SKAP1: variants seen among roughly 807,000 people sequenced by gnomAD.
SKAP1 encodes the protein src kinase associated phosphoprotein 1.
A neutral mutation model predicts 58.5 loss-of-function variants in SKAP1; 44 were observed. The observed-to-expected ratio is 0.75, with a 90% CI of 0.59 to 0.97. The LOEUF is 0.97. SKAP1 is among the 50% of genes least tolerant of loss of function. SKAP1 has a pLI of 0.00. For synonymous variants in SKAP1, 127 were observed against 149.7 expected, an observed-to-expected ratio of 0.85 and a Z score of 1.11; for missense variants, 390 against 435.2, an observed-to-expected ratio of 0.90 and a Z score of 0.92.
At chr17:48,214,625 T>C (rs1293522043) in intron 4 of SKAP1, among the ~76,000 whole-genome samples, 1 of 151,344 alleles carries the variant, frequency 6.6e-6, no homozygotes, top group Non-Finnish European at 1.5e-5. Flanking sequence ...CTTTTTTTTT[T>C]TTTCTCTTTT....
chr17:48,272,322 G>A lies in SKAP1; in HGVS notation c.280+73583C>T, dbSNP rs150965278. On this transcript the variant is annotated intron_variant, in intron 4 of 12. Transcript: ENST00000336915. Reference sequence around the variant, plus strand: ...AATTTTTGTATTTTAAATAGAGACGGGGTTTCACCATGTTGGCCAGGCTGC... The same window carrying A: ...AATTTTTGTATTTTAAATAGAGACGAGGTTTCACCATGTTGGCCAGGCTGC... Among the ~76,000 whole-genome samples the A allele has an allele frequency of 3.5e-3, 533 of 151,896 alleles. 2 individuals are homozygous for A. The highest frequency in any genetic ancestry group is 5.6e-3 in the Non-Finnish European group (380 of 67,950).
In SKAP1 at chr17:48,204,973, TTTTCTTTCTTTC is replaced by T. The variant is rs1555602827; in HGVS notation, c.281-15485_281-15474del. Among the ~76,000 whole-genome samples, 9 of 77,324 alleles carry T rather than the reference TTTTCTTTCTTTC, an allele frequency of 1.2e-4. No individual in the cohort carries two copies. The South Asian group carries it at 1.4e-3, about 12-fold the overall frequency. The allele number at this position is 77,324 out of a possible 152,430, so 50.7% of individuals were successfully genotyped here. ...CCTCCTTCCTCTTTCTTTTCTTTTC[TTTTCTTTCTTTC>T]TTTCTTTCTTTCTTTCTTTCTTTCT... On this transcript the variant is annotated intron_variant, in intron 4 of 12. Coordinates refer to ENST00000336915, the MANE Select transcript of SKAP1 (RefSeq NM_003726.4).
At chr17:48,251,878 G>A (rs1304814372) in intron 4 of SKAP1, among the ~76,000 whole-genome samples, 1 of 152,100 alleles carries the variant, frequency 6.6e-6, no homozygotes, top group Admixed American at 6.6e-5. Context: ...ATAGAACTAC[G>A]TAAAATTTCA....
At chr17:48,402,623 C>T (rs1311162172) in intron 1 of SKAP1, among the ~76,000 whole-genome samples, 1 of 152,102 alleles carries the variant, frequency 6.6e-6, no homozygotes, top group Non-Finnish European at 1.5e-5. Flanking sequence ...AGCCACCATG[C>T]CTGGCATAGC....
chr17:48,300,901 C>A (rs1193732474), intron 4 of SKAP1, among the ~76,000 whole-genome samples: 1 of 152,106 alleles, frequency 6.6e-6, no homozygotes, highest in African/African-American at 2.4e-5. Flanking sequence ...TATCTTCATT[C>A]TCTTCTATCC....
intron 3 of SKAP1, among the ~76,000 whole-genome samples, chr17:48,357,559 G>C (rs1301904465): frequency 6.6e-6 from 1 of 152,104 alleles, no homozygotes; most frequent in Non-Finnish European, 1.5e-5. Context: ...GAACCCAGGA[G>C]GCAGAGCTTG....
chr17:48,171,116 T>C, intron 9 of SKAP1, among the ~76,000 whole-genome samples: 1 of 149,614 alleles, frequency 6.7e-6, no homozygotes, highest in East Asian at 2.0e-4. Flanking sequence ...TTTTTTTTTT[T>C]TTAGGCAGAG....
intron 4 of SKAP1, among the ~76,000 whole-genome samples, chr17:48,240,935 C>G (rs1304980336): frequency 6.6e-6 from 1 of 152,192 alleles, no homozygotes; most frequent in Non-Finnish European, 1.5e-5. Flanking sequence ...ATGAAAGTCC[C>G]TAGTGTACTC....
intron 4 of SKAP1, among the ~76,000 whole-genome samples, chr17:48,271,636 A>G (rs1489139113): frequency 6.6e-6 from 1 of 152,148 alleles, no homozygotes; most frequent in Non-Finnish European, 1.5e-5. Flanking sequence ...TGCTGGGATT[A>G]CAGACATGAG....
At chr17:48,158,232 T>C (rs2064010422) in intron 11 of SKAP1, among the ~76,000 whole-genome samples, 1 of 149,768 alleles carries the variant, frequency 6.7e-6, no homozygotes, top group African/African-American at 2.5e-5. Flanking sequence ...TGATCATTCT[T>C]GCCCAAAGGC....
Position 48,184,763 on chromosome 17 carries a change from G to T in SKAP1, c.527C>A (p.Ser176Tyr). ...PHLRRDSKKE[S>Y]CFELTSQDRR... ...ATCCTGGGAGGTCAGTTCAAAGCAGGATTCTTTCTTGGAATCTCTTCGCAG... is the reference window on the plus strand; with the variant it reads ...ATCCTGGGAGGTCAGTTCAAAGCAGTATTCTTTCTTGGAATCTCTTCGCAG... Residue 176 changes from serine to tyrosine, a missense_variant, in exon 7 of 13, where the codon TCC (serine) becomes TAC (tyrosine). Transcript: ENST00000336915. 1.2e-6 allele frequency: 2 copies of T among 1,614,052 alleles called. No homozygotes were observed. Among genetic ancestry groups the T allele is most frequent in the African/African-American group, 1.3e-5 (1 of 75,014 alleles).
chr17:48,351,446 T>C (rs779726140), intron 3 of SKAP1, among the ~76,000 whole-genome samples: 21 of 152,158 alleles, frequency 1.4e-4, no homozygotes, highest in Admixed American at 3.3e-4. Flanking sequence ...TTTTTTCCTT[T>C]ACTACACCTA....
At chr17:48,392,715 C>CT (rs1177948393) in intron 2 of SKAP1, among the ~76,000 whole-genome samples, 44 of 151,964 alleles carry the variant, frequency 2.9e-4, no homozygotes, top group Admixed American at 2.3e-3. Flanking sequence ...AAACCTTTAG[C>CT]CAGGTGTGGT....
At chr17:48,204,987 T>C (rs866871298) in intron 4 of SKAP1, among the ~76,000 whole-genome samples, 1,431 of 52,900 alleles carry the variant, frequency 0.027, 26 homozygotes, top group African/African-American at 0.11. Context: ...CTTTCTTTCT[T>C]TCTTTCTTTC....
At chr17:48,349,834 T>G (rs2144343813) in intron 3 of SKAP1, among the ~76,000 whole-genome samples, 1 of 152,330 alleles carries the variant, frequency 6.6e-6, no homozygotes, top group South Asian at 2.1e-4. Flanking sequence ...GGTAATTATT[T>G]CCTAGGGTTT....
At chr17:48,358,728 T>C (rs1462045054) in intron 3 of SKAP1, among the ~76,000 whole-genome samples, 2 of 152,208 alleles carry the variant, frequency 1.3e-5, no homozygotes, top group Non-Finnish European at 2.9e-5. Flanking sequence ...TGAGACATAA[T>C]ATTTGTTACC....
intron 4 of SKAP1, among the ~76,000 whole-genome samples, chr17:48,202,717 A>T (rs1460901727): frequency 6.6e-6 from 1 of 152,206 alleles, no homozygotes; most frequent in Non-Finnish European, 1.5e-5. Context: ...AAATAAAAAC[A>T]CTAAATCTCA....
chr17:48,161,636 C>T (rs1164935520), intron 11 of SKAP1, among the ~76,000 whole-genome samples: 1 of 152,182 alleles, frequency 6.6e-6, no homozygotes, highest in East Asian at 1.9e-4. Context: ...TAGGGGTTAA[C>T]TTATGACTGA....
chr17:48,188,988 A>AAAC (rs1044612720), intron 5 of SKAP1, among the ~76,000 whole-genome samples: 5 of 152,168 alleles, frequency 3.3e-5, no homozygotes, highest in Non-Finnish European at 5.9e-5. Context: ...ACTCTGTCTC[A>AAAC]AACAACAACA....
Sources: gnomAD v4.1 joint callset for allele counts (sites outside exome capture counted in the v4.1 genomes callset) on GRCh38, gnomAD v4.1.1 for gene constraint, MANE v1.5 for transcripts, NCBI Gene and HGNC (gene_info 2026-07-23, HGNC 2026-07-21) for gene names.